Variants in GNG2 observed in about 807,000 individuals in gnomAD.
GNG2 encodes guanine nucleotide-binding protein G(I)/G(S)/G(O) subunit gamma-2.
A neutral mutation model predicts 5.5 loss-of-function variants in GNG2; 5 were observed. The observed-to-expected ratio is 0.91, with a 90% CI of 0.48 to 1.92. The LOEUF is 1.92. Ranked by LOEUF, GNG2 falls within the 30% of genes most tolerant of loss-of-function variation. The pLI, the probability that GNG2 is intolerant of heterozygous loss-of-function variation, is 0.01. For missense variants in GNG2, 55 were observed against 88.4 expected, an observed-to-expected ratio of 0.62 and a Z score of 1.52; for synonymous variants, 28 against 32.0, an observed-to-expected ratio of 0.88 and a Z score of 0.42.
chr14:51,900,931 G>A (rs1447606554), intron 2 of GNG2, among the ~76,000 whole-genome samples: 1 of 152,180 alleles, frequency 6.6e-6, no homozygotes, highest in Non-Finnish European at 1.5e-5. Context: ...TGCATGCAAA[G>A]CTCAAATGTG....
At chr14:51,841,072 T>A (rs1281472449) in intron 2 of GNG2, among the ~76,000 whole-genome samples, 1 of 152,158 alleles carries the variant, frequency 6.6e-6, no homozygotes, top group African/African-American at 2.4e-5. Flanking sequence ...TAAAATACTA[T>A]GATTGGTCAG....
chr14:51,860,328 G>C (rs1171356411), upstream of GNG2: 1 of 152,790 alleles, frequency 6.5e-6, no homozygotes, highest in East Asian at 1.9e-4. Flanking sequence ...GGGGCCGACT[G>C]AGCAGTGTGT....
intron 2 of GNG2, among the ~76,000 whole-genome samples, chr14:51,897,523 G>A (rs1311708280): frequency 1.3e-5 from 2 of 152,108 alleles, no homozygotes; most frequent in East Asian, 1.9e-4. Flanking sequence ...CAGTTGAACT[G>A]GTATTCTAGC....
At chr14:51,854,415 G>A (rs1882053625) in intron 2 of GNG2, among the ~76,000 whole-genome samples, 1 of 152,196 alleles carries the variant, frequency 6.6e-6, no homozygotes, top group Non-Finnish European at 1.5e-5. Context: ...GGAGTGTGGA[G>A]CCCTTGTTCC....
rs1239681604 is a variant in GNG2, at chr14:51,841,622, G to T, written c.64+13815G>T. 3 of 681,886 alleles carry T rather than the reference G, an allele frequency of 4.4e-6. No homozygotes were observed. The Admixed American group carries it at 6.4e-5, about 15-fold the overall frequency. 42.2% of individuals were successfully genotyped at this position (681,886 alleles called of 1,614,324 possible). On this transcript the variant is annotated intron_variant, in intron 2 of 3. Coordinates refer to the GNG2 transcript ENST00000553432. ...TAATATTTCAACAGAACCATTAAAA[G>T]GAAAGAAAACAAGCAAGCAAAACAT...
Position 51,956,850 on chromosome 14 carries a change from C to A in GNG2, c.87+6085C>A, listed in dbSNP as rs190377499. On this transcript the variant is annotated intron_variant, in intron 3 of 3. Coordinates refer to ENST00000556766, the MANE Select transcript of GNG2 (RefSeq NM_053064.5). ...GTAATGAAGATGGATTATATCTCTA[C>A]CTTCTGTTTAAATTTGGGGATCTGG... Among the ~76,000 whole-genome samples, 4 of 152,162 alleles carry A rather than the reference C, an allele frequency of 2.6e-5. No homozygotes were observed. The East Asian group carries it at 7.8e-4, about 29-fold the overall frequency.
chr14:51,856,040 G>T (rs1882141638), upstream of GNG2, among the ~76,000 whole-genome samples: 2 of 152,002 alleles, frequency 1.3e-5, no homozygotes, highest in Non-Finnish European at 1.5e-5. Flanking sequence ...GGGCATGGTG[G>T]GTTGGCACAC....
intron 1 of GNG2, chr14:51,826,255 G>A (rs1281402726): frequency 6.6e-6 from 1 of 152,008 alleles, no homozygotes; most frequent in African/African-American, 2.4e-5. Context: ...CCTATCTGTG[G>A]GTTCCCAGAC....
At chr14:51,835,573 C>T (rs1173510768) in intron 2 of GNG2, among the ~76,000 whole-genome samples, 1 of 152,200 alleles carries the variant, frequency 6.6e-6, no homozygotes, top group Non-Finnish European at 1.5e-5. Context: ...TAACCCACTC[C>T]TGAATCCCAT....
At chr14:51,940,497 T>G (rs983529552) in intron 2 of GNG2, 6 of 152,298 alleles carry the variant, frequency 3.9e-5, no homozygotes, top group Non-Finnish European at 8.8e-5. Context: ...TTTTTGTTCT[T>G]CATCTCAAAC....
At chr14:51,864,315 TA>T (rs2140107682) in intron 1 of GNG2, among the ~76,000 whole-genome samples, 1 of 152,352 alleles carries the variant, frequency 6.6e-6, no homozygotes, top group African/African-American at 2.4e-5. Flanking sequence ...TATATCTTCT[TA>T]GAAAAATGTC....
chr14:51,876,634 T>C (rs928789252), intron 1 of GNG2, among the ~76,000 whole-genome samples: 8 of 152,084 alleles, frequency 5.3e-5, no homozygotes, highest in Admixed American at 2.6e-4. Flanking sequence ...TTTGCTGTCA[T>C]TAATCATGAG....
At chr14:51,925,085 T>A (rs1887228148) in intron 2 of GNG2, among the ~76,000 whole-genome samples, 2 of 152,240 alleles carry the variant, frequency 1.3e-5, no homozygotes, top group Non-Finnish European at 1.5e-5. Flanking sequence ...AATGATTGAT[T>A]TTGTATTTTC....
At chr14:51,917,801 T>C (rs1045747367) in intron 2 of GNG2, among the ~76,000 whole-genome samples, 1 of 151,962 alleles carries the variant, frequency 6.6e-6, no homozygotes, top group Non-Finnish European at 1.5e-5. Context: ...AAGGCCAAGG[T>C]GGGCGGATCA....
At chr14:51,966,209 C>CAAAAAAAAAAAAAAAAAAAA (rs34653524) in intron 3 of GNG2, among the ~76,000 whole-genome samples, 2 of 28,144 alleles carry the variant, frequency 7.1e-5, no homozygotes, top group Non-Finnish European at 5.7e-5. Context: ...GACTGCATCT[C>CAAAAAAAAAAAAAAAAAAAA]AAAAAAAAAA....
At chr14:51,885,411 T>C in intron 2 of GNG2, among the ~76,000 whole-genome samples, 1 of 152,196 alleles carries the variant, frequency 6.6e-6, no homozygotes, top group East Asian at 1.9e-4. Context: ...AGCCATCTGA[T>C]GTTATACAGA....
intron 2 of GNG2, chr14:51,877,961 T>C (rs190772762): frequency 4.7e-4 from 106 of 225,050 alleles, no homozygotes; most frequent in African/African-American, 2.3e-3. Context: ...GATTAATAGG[T>C]GGCAGACATT....
intron 2 of GNG2, among the ~76,000 whole-genome samples, chr14:51,844,022 C>G (rs942023363): frequency 6.6e-6 from 1 of 152,228 alleles, no homozygotes; most frequent in East Asian, 1.9e-4. Context: ...AAATGTATCT[C>G]CTTTCTGTGC....
intron 3 of GNG2, among the ~76,000 whole-genome samples, chr14:51,957,302 T>C (rs1889331131): frequency 6.6e-6 from 1 of 152,132 alleles, no homozygotes; most frequent in African/African-American, 2.4e-5. Context: ...TAAAATTTGA[T>C]TTTTTTCTCA....
Sources: gnomAD v4.1 joint callset for allele counts (sites outside exome capture counted in the v4.1 genomes callset) on GRCh38, gnomAD v4.1.1 for gene constraint, MANE v1.5 for transcripts, NCBI Gene and HGNC (gene_info 2026-07-23, HGNC 2026-07-21) for gene names.